Variants in PDILT observed in about 807,000 individuals in gnomAD.
PDILT encodes protein disulfide isomerase like, testis expressed.
PDILT carries 43 observed loss-of-function variants against 53.7 expected under a neutral mutation model. That is an observed-to-expected ratio of 0.80 (90% confidence interval 0.63 to 1.03). PDILT has a LOEUF of 1.03. Ranked by LOEUF, PDILT falls within the 50% of genes least tolerant of loss-of-function variation. The pLI is 0.00. For missense variants in PDILT, 727 were observed against 712.3 expected (o/e 1.02, Z -0.24); for synonymous variants, 282 against 274.2 (o/e 1.03, Z -0.28).
chr16:20,360,441 C>T, intron 11 of PDILT, 127 bp downstream of exon 11: 1 of 875,000 alleles, frequency 1.1e-6, no homozygotes, highest in Non-Finnish European at 1.9e-6. Context: ...AACCTGGATG[C>T]TTCTCCATCC....
At chr16:20,377,988 T>C (rs1037593183) in intron 3 of PDILT, among the ~76,000 whole-genome samples, 3 of 150,464 alleles carry the variant, frequency 2.0e-5, no homozygotes, top group Non-Finnish European at 1.5e-5. Context: ...AAGAAAAGAA[T>C]GCTCTGGAGT....
At chr16:20,399,363 C>A (rs1029483481) in intron 1 of PDILT, 56 bp from the exon 2 acceptor site, 22 of 1,561,642 alleles carry the variant, frequency 1.4e-5, no homozygotes, top group Non-Finnish European at 1.6e-5. Context: ...TGGAGCCCCA[C>A]GTCATCACCC....
intron 8 of PDILT, among the ~76,000 whole-genome samples, chr16:20,366,943 CCTTCCTT>C (rs1966201395): frequency 3.4e-5 from 1 of 29,128 alleles, no homozygotes; most frequent in Non-Finnish European, 1.1e-4. Flanking sequence ...TTCTTTCCTT[CCTTCCTT>C]CCTTCCTTCC....
chr16:20,384,538 TG>T, intron 3 of PDILT, 106 bp downstream of exon 3: 1 of 1,352,156 alleles, frequency 7.4e-7, no homozygotes, highest in Non-Finnish European at 1.0e-6. Context: ...TGGAGGATCC[TG>T]GGTCCCCGAG....
chr16:20,382,812 G>A (rs1430620215), intron 3 of PDILT, among the ~76,000 whole-genome samples: 1 of 152,210 alleles, frequency 6.6e-6, no homozygotes, highest in Non-Finnish European at 1.5e-5. Context: ...TGTTTCTTAA[G>A]CCTGTGGTAA....
intron 2 of PDILT, among the ~76,000 whole-genome samples, chr16:20,392,939 C>T (rs543072224): frequency 6.6e-6 from 1 of 152,294 alleles, no homozygotes; most frequent in South Asian, 2.1e-4. Context: ...GTTTCCCAGC[C>T]TTATCCATCC....
chr16:20,360,556 G>C lies in PDILT; in HGVS notation c.1506+12C>G. 1 of 1,603,806 alleles carries C rather than the reference G, an allele frequency of 6.2e-7. No homozygotes were observed. ...GGACAGAATAATTCAGAGTATTTCT[G>C]TTGCCCCTTACCTCATCCTCATCCT... On this transcript the variant is annotated intron_variant, in intron 11 of 11. Coordinates refer to ENST00000302451, the MANE Select transcript of PDILT (RefSeq NM_174924.2).
At chr16:20,385,613 T>C (rs968523030) in intron 2 of PDILT, among the ~76,000 whole-genome samples, 2 of 151,822 alleles carry the variant, frequency 1.3e-5, no homozygotes, top group South Asian at 4.2e-4. Flanking sequence ...GGGTGAGGGA[T>C]CAAAAAAAAC....
At chr16:20,374,621 G>C (rs759299543) in intron 5 of PDILT, among the ~76,000 whole-genome samples, 1 of 152,208 alleles carries the variant, frequency 6.6e-6, no homozygotes, top group Non-Finnish European at 1.5e-5. Context: ...GCATTTACTA[G>C]TTAAGTAAAG....
chr16:20,383,349 C>G (rs1051396360), intron 3 of PDILT, among the ~76,000 whole-genome samples: 1 of 152,166 alleles, frequency 6.6e-6, no homozygotes, highest in Non-Finnish European at 1.5e-5. Context: ...ACAAAGGGCT[C>G]CTTGCTGGTG....
At chr16:20,399,013 A>G (rs959686676) in intron 2 of PDILT, 86 bp downstream of exon 2, 2 of 1,364,498 alleles carry the variant, frequency 1.5e-6, no homozygotes, top group Non-Finnish European at 2.1e-6. Flanking sequence ...TGTGTTTAGC[A>G]ATATATAAAA....
rs139668298 is a variant in PDILT at position 20,359,420 on chromosome 16, C to A, written c.1654G>T (p.Ala552Ser). Residue 552 changes from alanine to serine, a missense_variant, in exon 12 of 12, where the codon GCT (alanine) becomes TCT (serine). Ala to Ser is a moderately conservative substitution (Grantham distance 99, BLOSUM62 1). Coordinates refer to ENST00000302451, the MANE Select transcript of PDILT (RefSeq NM_174924.2). ...TCCTCAGATGTTTTCTTCTTCCCAG[C>A]GGGCTCTTCCAGCTTGGATACGTAC... Reference protein sequence around the residue: ...TKYVSKLEEPAGKKKTSEEVV... With the variant: ...TKYVSKLEEPSGKKKTSEEVV... 2.6e-5 allele frequency: 42 copies of A among 1,614,062 alleles called. No homozygotes were observed. The highest frequency in any genetic ancestry group is 3.1e-5 in the Non-Finnish European group (36 of 1,180,040).
At chr16:20,388,251 TTACTGTGCTAAG>T (rs1966565234) in intron 2 of PDILT, among the ~76,000 whole-genome samples, 2 of 152,210 alleles carry the variant, frequency 1.3e-5, no homozygotes, top group African/African-American at 4.8e-5. Context: ...TATTGATCCC[TTACTGTGCTAAG>T]TACTTGCTTA....
intron 2 of PDILT, among the ~76,000 whole-genome samples, chr16:20,389,553 C>T (rs545627194): frequency 1.3e-5 from 2 of 152,256 alleles, no homozygotes; most frequent in South Asian, 2.1e-4. Flanking sequence ...TGACCATCAC[C>T]AAACCATCCA....
intron 8 of PDILT, among the ~76,000 whole-genome samples, chr16:20,366,959 C>T (rs1966202062): frequency 7.1e-6 from 1 of 139,880 alleles, no homozygotes; most frequent in Admixed American, 7.2e-5. Context: ...TTCCTTCCTT[C>T]CTTCCTTCCT....
intron 2 of PDILT, among the ~76,000 whole-genome samples, chr16:20,389,779 G>T (rs1297371727): frequency 6.6e-6 from 1 of 152,132 alleles, no homozygotes; most frequent in African/African-American, 2.4e-5. Flanking sequence ...CAGAGGAGGG[G>T]CTGATGGGTG....
At chr16:20,381,359 G>A (rs149065278) in intron 3 of PDILT, among the ~76,000 whole-genome samples, 17 of 152,188 alleles carry the variant, frequency 1.1e-4, no homozygotes, top group African/African-American at 3.6e-4. Flanking sequence ...AAATTGGGCC[G>A]GGTGCGGTGG....
chr16:20,364,969 A>G (rs886168331), intron 9 of PDILT, among the ~76,000 whole-genome samples: 22 of 152,200 alleles, frequency 1.4e-4, no homozygotes, highest in Non-Finnish European at 2.8e-4. Context: ...CAGTTCCGGC[A>G]CTTACTGACT....
intron 1 of PDILT, among the ~76,000 whole-genome samples, chr16:20,404,276 T>C (rs571875705): frequency 6.6e-6 from 1 of 152,330 alleles, no homozygotes; most frequent in Admixed American, 6.5e-5. Context: ...AAAATACTGA[T>C]GTTCAAACCC....
Sources: allele counts gnomAD v4.1 joint callset (sites outside exome capture counted in the v4.1 genomes callset), GRCh38; gene constraint gnomAD v4.1.1; transcripts MANE v1.5; gene names NCBI Gene and HGNC (gene_info 2026-07-23, HGNC 2026-07-21).